Variants in ITIH3 observed in about 807,000 individuals in gnomAD.
The protein encoded by ITIH3 is inter-alpha-trypsin inhibitor heavy chain 3, also known as inter-alpha-trypsin inhibitor heavy chain H3.
ITIH3 carries 81 observed loss-of-function variants against 96.5 expected under a neutral mutation model. The ratio of observed to expected loss-of-function variants is 0.84; its 90% confidence interval spans 0.70 to 1.01. The LOEUF (loss-of-function observed/expected upper bound fraction) is 1.01. Ranked by LOEUF, ITIH3 falls within the 50% of genes least tolerant of loss-of-function variation. The probability of loss-of-function intolerance (pLI) is 0.00; values close to 1 mark genes in which losing one functional copy is unlikely to be tolerated. For missense variants in ITIH3, 1,057 were observed against 1,139.3 expected (o/e 0.93, Z 1.04); for synonymous variants, 422 against 445.2 (o/e 0.95, Z 0.66).
intron 13 of ITIH3, among the ~76,000 whole-genome samples, 171 bp from the exon 14 acceptor site, chr3:52,803,684 C>G (rs1421244149): frequency 6.6e-6 from 1 of 152,230 alleles, no homozygotes; most frequent in African/African-American, 2.4e-5. Flanking sequence ...TTCACATGCC[C>G]CAGGGAGTTG....
chr3:52,800,715 C>A (rs200160840), intron 10 of ITIH3, 52 bp downstream of exon 10: 1 of 1,579,204 alleles, frequency 6.3e-7, no homozygotes, highest in South Asian at 1.2e-5. Flanking sequence ...TTGGCTGCTG[C>A]TCCTGGCTCT....
At chr3:52,799,225 G>T (rs960688093) in intron 7 of ITIH3, 134 bp downstream of exon 7, 138 of 1,262,966 alleles carry the variant, frequency 1.1e-4, no homozygotes, top group Non-Finnish European at 1.5e-4. Flanking sequence ...ACAGCTGATG[G>T]CCTAGAGCCT....
At chr3:52,805,532 TCAAGAGAGAGAAGATGA>T in intron 15 of ITIH3, 1 of 1,284,460 alleles carries the variant, frequency 7.8e-7, no homozygotes, top group Non-Finnish European at 9.9e-7. Context: ...TGAGCATTAC[TCAAGAGAGAGAAGATGA>T]CTTAATGGCT....
intron 3 of ITIH3, 32 bp from the exon 4 acceptor site, chr3:52,796,707 A>G: frequency 2.5e-6 from 4 of 1,605,502 alleles, no homozygotes; most frequent in Non-Finnish European, 3.4e-6. Flanking sequence ...GCCCAGTGTG[A>G]TCTCCCTACC....
In ITIH3 at chr3:52,803,871, G is replaced by T; in HGVS notation, c.1726G>T (p.Glu576Ter). 6.2e-7 allele frequency: 1 copy of T among 1,613,968 alleles called. No homozygotes were observed. Among genetic ancestry groups the T allele is most frequent in the South Asian group, 1.1e-5 (1 of 91,062 alleles). Residue 576 changes from glutamate to a stop codon, truncating the protein, a stop_gained, in exon 14 of 22, where the codon GAG (glutamate) becomes TAG (stop). Transcript: ENST00000449956. LOFTEE classifies it high-confidence loss of function. ...LLEKRKNAHGEEKENLTARAL... is the reference protein window; with the variant it reads ...LLEKRKNAHG The stretch of plus-strand genomic sequence containing the variant: ...TCCTCACAGCAAGAACGCCCATGGC[G>T]AGGAGAAGGAGAACCTCACGGCCCG...
At chr3:52,805,768 AC>A (rs1700015618) in intron 15 of ITIH3, 39 bp from the exon 16 acceptor site, 1 of 1,610,890 alleles carries the variant, frequency 6.2e-7, no homozygotes. Flanking sequence ...GGGAGAAGGA[AC>A]CCCTAGACCC....
intron 18 of ITIH3, 53 bp from the exon 19 acceptor site, chr3:52,806,848 T>G: frequency 1.4e-6 from 2 of 1,468,652 alleles, no homozygotes; most frequent in East Asian, 2.5e-5. Flanking sequence ...CTAAAGGCAA[T>G]CTGGACTCAG....
rs746271761 is a variant in ITIH3 at position 52,801,164 on chromosome 3, C to T, written c.1383+18C>T. The T allele has an allele frequency of 4.6e-6, 7 of 1,535,704 alleles. No homozygotes were observed. The highest frequency in any genetic ancestry group is 4.1e-5 in the Admixed American group (2 of 48,310). On this transcript the variant is annotated intron_variant, in intron 11 of 21. Coordinates refer to ENST00000449956, the MANE Select transcript of ITIH3 (RefSeq NM_002217.4). ...AGTTGCAGGTATGCCTTGTCTTGCA[C>T]ACTTCCGGGCATAAGGAGCTCACTA...
intron 13 of ITIH3, among the ~76,000 whole-genome samples, chr3:52,803,293 TATTTATTTATTTA>T (rs1310069178): frequency 2.8e-5 from 4 of 142,342 alleles, no homozygotes; most frequent in South Asian, 4.4e-4. Flanking sequence ...TTTATTTATT[TATTTATTTATTTA>T]TTTTATTTTA....
chr3:52,803,942 C>A lies in ITIH3; in HGVS notation c.1797C>A (p.Thr599=), dbSNP rs749425441. 2 of 1,613,786 alleles carry A rather than the reference C, an allele frequency of 1.2e-6. No homozygotes were observed. Among genetic ancestry groups the A allele is most frequent in the African/African-American group, 2.7e-5 (2 of 74,940 alleles). Residue 599 remains threonine (T), a synonymous_variant, in exon 14 of 22, where the codon ACC becomes ACA. Coordinates refer to ENST00000449956, the MANE Select transcript of ITIH3 (RefSeq NM_002217.4). ...AGTATCACTTTGTGACTCCACTGAC[C>A]TCAATGGTGGTGACCAAGCCTGAGG... ...SLKYHFVTPL[T]SMVVTKPEDN...
rs1406707804 is a variant in ITIH3 at position 52,807,099 on chromosome 3, A to C, written c.2255A>C (p.Gln752Pro). 1 of 1,587,598 alleles carries C rather than the reference A, an allele frequency of 6.3e-7. No homozygotes were observed. Among genetic ancestry groups the C allele is most frequent in the Non-Finnish European group, 8.6e-7 (1 of 1,167,322 alleles). Residue 752 changes from glutamine (Q) to proline (P), a missense_variant, in exon 19 of 22, where the codon CAG becomes CCG. Transcript: ENST00000449956. ...TGGCTGGACACAGTCACAGTCACGCAGGATGGGTAAGCTCCCCTACAAGGT... is the reference window on the plus strand; with the variant it reads ...TGGCTGGACACAGTCACAGTCACGCCGGATGGGTAAGCTCCCCTACAAGGT... ...FSWLDTVTVT[Q>P]DGLSMMINRK...
chr3:52,808,472 C>T, intron 21 of ITIH3, 80 bp from the exon 22 acceptor site: 2 of 1,565,578 alleles, frequency 1.3e-6, no homozygotes, highest in African/African-American at 1.4e-5. Context: ...AACTTCCCAC[C>T]CTTTTTCAAT....
rs1053187295 is a variant in ITIH3 at position 52,796,841 on chromosome 3, C to G, written c.384C>G (p.Val128=). 1 of 1,600,732 alleles carries G rather than the reference C, an allele frequency of 6.2e-7. No individual in the cohort carries two copies. Among genetic ancestry groups the G allele is most frequent in the Non-Finnish European group, 8.5e-7 (1 of 1,173,538 alleles). The change falls in exon 4 of 22, where the codon GTC becomes GTG. Residue 128 remains valine, a splice_region_variant and synonymous_variant. Transcript: ENST00000449956. ...AVSQGKTAGL[V]KASGRKLEKF... ...CCCAGGGCAAGACGGCCGGCTTGGT[C>G]AAGTAAGTATGGACTCCCAGGCCTT...
chr3:52,800,118 T>C (rs1699768043), intron 9 of ITIH3, among the ~76,000 whole-genome samples, 197 bp downstream of exon 9: 1 of 152,144 alleles, frequency 6.6e-6, no homozygotes, highest in Non-Finnish European at 1.5e-5. Flanking sequence ...GGGAAACCCA[T>C]TCTTTCTGTT....
At position 52,807,936 on chromosome 3, in the gene ITIH3, C is replaced by T. The variant is rs763401583; in HGVS notation, c.2431+20C>T. 6.2e-7 allele frequency: 1 copy of T among 1,608,866 alleles called. No individual in the cohort carries two copies. Among genetic ancestry groups the T allele is most frequent in the East Asian group, 2.2e-5 (1 of 44,748 alleles). The stretch of plus-strand genomic sequence containing the variant: ...TGCTGGGTACGAAGTGTTCAGACTG[C>T]AGGCTGTTCAGGCCTGAGAGCAGCA... On this transcript the variant is annotated intron_variant, in intron 20 of 21. Coordinates refer to ENST00000449956, the MANE Select transcript of ITIH3 (RefSeq NM_002217.4).
At position 52,794,850 on chromosome 3, in the gene ITIH3, G is replaced by A. The variant is rs560024879; in HGVS notation, c.47G>A (p.Ser16Asn). The A allele has an allele frequency of 3.3e-5, 53 of 1,614,018 alleles. No individual in the cohort carries two copies. In the East Asian group the frequency reaches 1.1e-3, roughly 34 times the overall value. The change falls in exon 1 of 22, where the codon AGC (serine) becomes AAC (asparagine). Residue 16 changes from serine to asparagine, a missense_variant. Coordinates refer to ENST00000449956, the MANE Select transcript of ITIH3 (RefSeq NM_002217.4). Reference sequence around the variant, plus strand: ...TGTCTCATCTTGGCTCTGCTCTCCAGCTTGGCAGCCTCTGGCTTCCCGAGA... The same window carrying A: ...TGTCTCATCTTGGCTCTGCTCTCCAACTTGGCAGCCTCTGGCTTCCCGAGA... The part of the protein sequence containing the change: ...WPCLILALLS[S>N]LAASGFPRSP...
chr3:52,802,772 G>T lies in ITIH3; in HGVS notation c.1675G>T (p.Ala559Ser), dbSNP rs776838700. 59 of 1,613,860 alleles carry T rather than the reference G, an allele frequency of 3.7e-5. No homozygotes were observed. In the African/African-American group the frequency reaches 7.2e-4, roughly 20 times the overall value. Residue 559 changes from alanine (A) to serine (S), a missense_variant, in exon 13 of 22, where the codon GCC becomes TCC. Coordinates refer to ENST00000449956, the MANE Select transcript of ITIH3 (RefSeq NM_002217.4). ...CGGGAATTACATTGAGCGGCTCTGG[G>T]CCTACCTCACCATTGAGCAGCTGCT... ...IFGNYIERLW[A>S]YLTIEQLLEK...
At chr3:52,798,342 G>A (rs1427736942) in intron 6 of ITIH3, among the ~76,000 whole-genome samples, 2 of 152,182 alleles carry the variant, frequency 1.3e-5, no homozygotes, top group South Asian at 4.1e-4. Context: ...GCTCCCAGCT[G>A]TTCCAGGGGC....
At chr3:52,808,331 T>C in intron 21 of ITIH3, 110 bp downstream of exon 21, 2 of 1,092,340 alleles carry the variant, frequency 1.8e-6, no homozygotes, top group Non-Finnish European at 2.7e-6. Context: ...TGGGGTACCC[T>C]TGTTTCCCTT....
Sources: gnomAD v4.1 joint callset for allele counts (sites outside exome capture counted in the v4.1 genomes callset) on GRCh38, gnomAD v4.1.1 for gene constraint, MANE v1.5 for transcripts, NCBI Gene and HGNC (gene_info 2026-07-23, HGNC 2026-07-21) for gene names.